Variants in PACRG observed in about 807,000 individuals in gnomAD.
PACRG encodes the protein parkin coregulated gene protein.
PACRG carries 29 observed loss-of-function variants against 29.7 expected under a neutral mutation model. The observed-to-expected ratio is 0.98, with a 90% CI of 0.73 to 1.33. The LOEUF is 1.33. Among genes scored for constraint, PACRG ranks in the 40% most tolerant of loss-of-function variants. PACRG has a pLI of 0.00. For missense variants in PACRG, 279 were observed against 316.2 expected, an observed-to-expected ratio of 0.88 and a Z score of 0.89; for synonymous variants, 116 against 118.7, an observed-to-expected ratio of 0.98 and a Z score of 0.15.
At chr6:163,129,875 G>T (rs115245712) in intron 4 of PACRG, among the ~76,000 whole-genome samples, 1 of 152,180 alleles carries the variant, frequency 6.6e-6, no homozygotes, top group African/African-American at 2.4e-5. Flanking sequence ...TTAAAACAGT[G>T]CTTGGCAAAT....
intron 1 of PACRG, among the ~76,000 whole-genome samples, chr6:162,801,971 C>T (rs1332984401): frequency 1.3e-5 from 2 of 152,042 alleles, no homozygotes; most frequent in African/African-American, 2.4e-5. Flanking sequence ...AATTATAATA[C>T]GTTTTTGTCT....
At chr6:163,037,464 C>T (rs1373526981) in intron 2 of PACRG, among the ~76,000 whole-genome samples, 1 of 152,200 alleles carries the variant, frequency 6.6e-6, no homozygotes, top group Non-Finnish European at 1.5e-5. Flanking sequence ...GTTCTCTTAG[C>T]ATTCATAGCA....
chr6:162,931,593 G>A lies in PACRG; in HGVS notation c.291+117312G>A, dbSNP rs1025796130. ...AAGATTATCCTTCTTCCATTGGATT[G>A]CCTTTGTACTTTTGTGAAAAATCAG... On this transcript the variant is annotated intron_variant, in intron 2 of 4. Coordinates refer to ENST00000366888, the MANE Select transcript of PACRG (RefSeq NM_001080379.2). Among the ~76,000 whole-genome samples, 4 of 152,054 alleles carry A rather than the reference G, an allele frequency of 2.6e-5. No individual in the cohort carries two copies. The East Asian group carries it at 5.8e-4, about 22-fold the overall frequency.
chr6:162,936,965 G>C (rs974402665), intron 2 of PACRG, among the ~76,000 whole-genome samples: 2 of 152,228 alleles, frequency 1.3e-5, no homozygotes, highest in Middle Eastern at 3.4e-3. Flanking sequence ...TTAAATAAGA[G>C]AAGCATTTGA....
intron 2 of PACRG, among the ~76,000 whole-genome samples, chr6:162,964,042 G>A (rs993450133): frequency 1.8e-4 from 27 of 152,142 alleles, no homozygotes; most frequent in African/African-American, 6.5e-4. Flanking sequence ...TAATGAATTG[G>A]TTTGAAAATG....
chr6:162,745,400 G>C (rs1358895328), intron 1 of PACRG, among the ~76,000 whole-genome samples: 2 of 152,066 alleles, frequency 1.3e-5, no homozygotes, highest in African/African-American at 4.8e-5. Flanking sequence ...GTGGGGTGAG[G>C]GGAGGGAGAG....
At chr6:162,757,962 C>A (rs1231749308) in intron 1 of PACRG, among the ~76,000 whole-genome samples, 2 of 152,110 alleles carry the variant, frequency 1.3e-5, no homozygotes, top group Admixed American at 1.3e-4. Context: ...TCGAATTATT[C>A]TCTCCTATGA....
intron 4 of PACRG, among the ~76,000 whole-genome samples, chr6:163,246,721 A>T (rs945666753): frequency 6.6e-6 from 1 of 152,194 alleles, no homozygotes; most frequent in Non-Finnish European, 1.5e-5. Context: ...ACATTTACAC[A>T]TATTTATTTT....
chr6:163,040,577 G>C (rs1053691122), intron 2 of PACRG, among the ~76,000 whole-genome samples: 1 of 152,242 alleles, frequency 6.6e-6, no homozygotes, highest in Non-Finnish European at 1.5e-5. Context: ...GTACCCTGCA[G>C]AGTCACAGGG....
chr6:162,964,111 AC>A (rs1301183152), intron 2 of PACRG, among the ~76,000 whole-genome samples: 1 of 152,198 alleles, frequency 6.6e-6, no homozygotes, highest in East Asian at 1.9e-4. Flanking sequence ...GGAATACAAC[AC>A]CGTGAAAGCA....
At chr6:163,096,701 T>C (rs78069613) in intron 4 of PACRG, among the ~76,000 whole-genome samples, 1,622 of 152,262 alleles carry the variant, frequency 0.011, 33 homozygotes, top group African/African-American at 0.038. Context: ...GGGGAATGAA[T>C]TGTGGAATCG....
chr6:163,199,373 C>T (rs186524923), intron 4 of PACRG, among the ~76,000 whole-genome samples: 5 of 152,308 alleles, frequency 3.3e-5, no homozygotes, highest in Non-Finnish European at 7.4e-5. Flanking sequence ...ACAGAGGCTC[C>T]TCCAGGGTTT....
intron 1 of PACRG, among the ~76,000 whole-genome samples, chr6:162,772,589 C>G (rs1783306156): frequency 6.6e-6 from 1 of 152,104 alleles, no homozygotes; most frequent in South Asian, 2.1e-4. Context: ...ATGAAAAGGC[C>G]CACAGGGCTC....
chr6:162,869,489 G>A (rs942145949), intron 2 of PACRG, among the ~76,000 whole-genome samples: 2 of 152,100 alleles, frequency 1.3e-5, no homozygotes, highest in African/African-American at 2.4e-5. Context: ...CGTGATTTTT[G>A]TGTTCAGGGA....
At chr6:162,791,398 C>T (rs1303468338) in intron 1 of PACRG, among the ~76,000 whole-genome samples, 1 of 149,912 alleles carries the variant, frequency 6.7e-6, no homozygotes, top group Admixed American at 6.8e-5. Flanking sequence ...TTTGATTCTC[C>T]TTTCCTTCTC....
intron 4 of PACRG, among the ~76,000 whole-genome samples, chr6:163,101,739 G>T (rs73786964): frequency 6.6e-6 from 1 of 152,110 alleles, no homozygotes; most frequent in Non-Finnish European, 1.5e-5. Context: ...AGCCACTGGC[G>T]GTGTGGAACA....
chr6:162,913,574 A>G (rs983222881), intron 2 of PACRG, among the ~76,000 whole-genome samples: 7 of 152,198 alleles, frequency 4.6e-5, no homozygotes, highest in Non-Finnish European at 8.8e-5. Context: ...GGAAATACTT[A>G]GGAGTATAAC....
chr6:163,085,585 G>A (rs1308399259), intron 3 of PACRG, among the ~76,000 whole-genome samples: 2 of 152,154 alleles, frequency 1.3e-5, no homozygotes, highest in Non-Finnish European at 2.9e-5. Flanking sequence ...AATCCCCCAG[G>A]GGAATCTCAT....
At chr6:162,981,305 A>ATATATATATTTTTTTTTTT (rs925663285) in intron 2 of PACRG, among the ~76,000 whole-genome samples, 143 of 149,158 alleles carry the variant, frequency 9.6e-4, no homozygotes, top group African/African-American at 3.4e-3. Context: ...ATATATATAT[A>ATATATATATTTTTTTTTTT]TTTACAATGG....
Sources: gnomAD v4.1 joint callset for allele counts (sites outside exome capture counted in the v4.1 genomes callset) on GRCh38, gnomAD v4.1.1 for gene constraint, MANE v1.5 for transcripts, NCBI Gene and HGNC (gene_info 2026-07-23, HGNC 2026-07-21) for gene names.